The following SUGCT variants were observed in gnomAD, a reference collection of about 807,000 sequenced individuals.
The protein encoded by SUGCT is succinyl-CoA:glutarate-CoA transferase, also known as succinyl-CoA:glutarate CoA-transferase.
A neutral mutation model predicts 55.0 loss-of-function variants in SUGCT; 41 were observed. That is an observed-to-expected ratio of 0.74 (90% CI 0.58 to 0.97). The LOEUF is 0.97. Ranked by LOEUF, SUGCT falls within the 50% of genes least tolerant of loss-of-function variation. The probability of loss-of-function intolerance (pLI) is 0.00; values close to 1 mark genes in which losing one functional copy is unlikely to be tolerated. For synonymous variants in SUGCT, 187 were observed against 200.4 expected (o/e 0.93, Z 0.56); for missense variants, 568 against 547.8 (o/e 1.04, Z -0.37).
chr7:40,386,280 A>T (rs1356319008), intron 9 of SUGCT, among the ~76,000 whole-genome samples: 3 of 152,222 alleles, frequency 2.0e-5, no homozygotes, highest in Non-Finnish European at 4.4e-5. Context: ...AAACCTTGTT[A>T]TGCAAGGAAT....
intron 6 of SUGCT, among the ~76,000 whole-genome samples, chr7:40,234,663 C>G (rs1788907707): frequency 6.6e-6 from 1 of 152,106 alleles, no homozygotes; most frequent in Admixed American, 6.6e-5. Context: ...AATCTCAGCA[C>G]TTCGGGAGAC....
rs1043568591 is a variant in SUGCT at position 40,709,941 on chromosome 7, A to G, written c.1090-39493A>G. Among the ~76,000 whole-genome samples the G allele has an allele frequency of 3.3e-5, 5 of 152,342 alleles. No homozygotes were observed. In the East Asian group the frequency reaches 9.7e-4, roughly 29 times the overall value. On this transcript the variant is annotated intron_variant, in intron 12 of 13. Coordinates refer to ENST00000335693, the MANE Select transcript of SUGCT (RefSeq NM_001193313.2). ...AGTCAGGGGTTAGGAACCAACTTCA[A>G]GAACCACTGGTTATAGCATACTGAA...
At chr7:40,615,949 T>G (rs557221365) in intron 12 of SUGCT, among the ~76,000 whole-genome samples, 1 of 152,330 alleles carries the variant, frequency 6.6e-6, no homozygotes, top group Admixed American at 6.5e-5. Context: ...TTAATATGTT[T>G]AATAATATTA....
intron 12 of SUGCT, among the ~76,000 whole-genome samples, chr7:40,497,129 G>A (rs186816786): frequency 2.6e-5 from 4 of 152,142 alleles, no homozygotes; most frequent in African/African-American, 9.6e-5. Flanking sequence ...AAAAGTACAG[G>A]GAGTCCATTT....
At chr7:40,978,468 G>A in the SUGCT span, among the ~76,000 whole-genome samples, 4 of 152,276 alleles carry the variant, frequency 2.6e-5, no homozygotes, top group African/African-American at 7.2e-5. Flanking sequence ...GGGATATTGA[G>A]GGCACACCAA....
intron 12 of SUGCT, among the ~76,000 whole-genome samples, chr7:40,631,247 G>GT (rs1799774962): frequency 6.6e-6 from 1 of 151,896 alleles, no homozygotes; most frequent in Admixed American, 6.6e-5. Flanking sequence ...TTATTTACGT[G>GT]TAACAAGAAA....
rs554180050 is a variant in SUGCT at position 40,617,560 on chromosome 7, T to C, written c.1089+121174T>C. 9.2e-5 allele frequency among the ~76,000 whole-genome samples: 14 copies of C among 151,860 alleles called. 1 individual carries two copies. In the South Asian group the frequency reaches 2.9e-3, roughly 32 times the overall value. On this transcript the variant is annotated intron_variant, in intron 12 of 13. Coordinates refer to ENST00000335693, the MANE Select transcript of SUGCT (RefSeq NM_001193313.2). ...TTGCTCTTCCAGGAGAAAAGAAATT[T>C]AGCTACTTGAAAAAAAGGCACTTAA...
At chr7:40,218,489 C>T (rs569903267) in intron 6 of SUGCT, among the ~76,000 whole-genome samples, 18 of 152,110 alleles carry the variant, frequency 1.2e-4, no homozygotes, top group African/African-American at 1.4e-4. Flanking sequence ...GCTTCTGGGT[C>T]GGGTGAGGAC....
At chr7:40,427,678 G>C (rs1220434239) in intron 9 of SUGCT, among the ~76,000 whole-genome samples, 1 of 152,154 alleles carries the variant, frequency 6.6e-6, no homozygotes, top group Non-Finnish European at 1.5e-5. Context: ...AGACGACAAG[G>C]CTGAATGTCC....
chr7:40,443,353 C>T (rs932979683), intron 9 of SUGCT, among the ~76,000 whole-genome samples: 21 of 152,086 alleles, frequency 1.4e-4, no homozygotes, highest in African/African-American at 4.3e-4. Context: ...TGTAAAAGTG[C>T]TCCTATTTCT....
chr7:40,439,502 T>C (rs1788381694), intron 9 of SUGCT, among the ~76,000 whole-genome samples: 1 of 152,182 alleles, frequency 6.6e-6, no homozygotes, highest in Non-Finnish European at 1.5e-5. Context: ...AATGTAAATA[T>C]ACTTTAGTCT....
At chr7:40,997,016 C>T in the SUGCT span, among the ~76,000 whole-genome samples, 1 of 152,174 alleles carries the variant, frequency 6.6e-6, no homozygotes. Context: ...CTGCTGATGC[C>T]TGATGCGGCT....
intron 7 of SUGCT, among the ~76,000 whole-genome samples, chr7:40,256,018 ACT>A (rs1790791500): frequency 6.6e-6 from 1 of 151,926 alleles, no homozygotes; most frequent in Non-Finnish European, 1.5e-5. Flanking sequence ...TTGCTCCACC[ACT>A]CTCCTTGACA....
At chr7:40,685,102 C>T (rs979575949) in intron 12 of SUGCT, among the ~76,000 whole-genome samples, 1 of 152,084 alleles carries the variant, frequency 6.6e-6, no homozygotes, top group Admixed American at 6.6e-5. Context: ...AGTGGTCCAC[C>T]TGCCTTGGCC....
intron 11 of SUGCT, among the ~76,000 whole-genome samples, chr7:40,490,245 G>C (rs188211750): frequency 6.6e-6 from 1 of 152,158 alleles, no homozygotes; most frequent in Non-Finnish European, 1.5e-5. Flanking sequence ...AGTTTCTCTT[G>C]TGTGGTACCT....
At chr7:40,789,805 G>A (rs1790216949) in intron 13 of SUGCT, among the ~76,000 whole-genome samples, 1 of 152,080 alleles carries the variant, frequency 6.6e-6, no homozygotes, top group Non-Finnish European at 1.5e-5. Flanking sequence ...ACTGCATTAG[G>A]TTTTGTACTC....
intron 12 of SUGCT, among the ~76,000 whole-genome samples, chr7:40,740,246 A>T (rs1295811738): frequency 6.6e-6 from 1 of 152,070 alleles, no homozygotes; most frequent in African/African-American, 2.4e-5. Flanking sequence ...ATCTCTGTAC[A>T]TTGGTCTTGT....
chr7:40,737,269 A>G (rs906560538), intron 12 of SUGCT, among the ~76,000 whole-genome samples: 1 of 152,206 alleles, frequency 6.6e-6, no homozygotes, highest in Non-Finnish European at 1.5e-5. Context: ...TGTTGCTATG[A>G]AAAAAATGCA....
At chr7:40,816,802 G>C (rs1302657236) in intron 13 of SUGCT, among the ~76,000 whole-genome samples, 1 of 152,132 alleles carries the variant, frequency 6.6e-6, no homozygotes, top group South Asian at 2.1e-4. Context: ...AAAGGCCTCT[G>C]TACATATGGA....
Sources: allele counts gnomAD v4.1 joint callset (sites outside exome capture counted in the v4.1 genomes callset), GRCh38; gene constraint gnomAD v4.1.1; transcripts MANE v1.5; gene names NCBI Gene and HGNC (gene_info 2026-07-23, HGNC 2026-07-21).